The following PHYH variants were observed in gnomAD, a reference collection of about 807,000 sequenced individuals.
PHYH encodes phytanoyl-CoA dioxygenase, peroxisomal.
A neutral mutation model predicts 38.5 loss-of-function variants in PHYH; 32 were observed. That is an observed-to-expected ratio of 0.83 (90% CI 0.63 to 1.12). The LOEUF is 1.12. Among genes scored for constraint, PHYH ranks in the 50% most tolerant of loss-of-function variants. The probability of loss-of-function intolerance (pLI) is 0.00; values close to 1 mark genes in which losing one functional copy is unlikely to be tolerated. For synonymous variants in PHYH, 166 were observed against 157.9 expected (o/e 1.05, Z -0.38); for missense variants, 426 against 434.8 (o/e 0.98, Z 0.18).
intron 2 of PHYH, among the ~76,000 whole-genome samples, chr10:13,296,206 A>T (rs933619232): frequency 6.6e-6 from 1 of 151,782 alleles, no homozygotes; most frequent in Admixed American, 6.6e-5. Flanking sequence ...AACCTAGGAA[A>T]CGTTCATGCT....
At position 13,298,173 on chromosome 10, in the gene PHYH, C is replaced by T; in HGVS notation, c.134+14G>A. On this transcript the variant is annotated intron_variant, in intron 2 of 8. Transcript: ENST00000263038. ...TACATAATATATTTCAAAATCAAAA[C>T]TCAAACTACTTACTGGAATTGTTGA... 1 of 1,561,158 alleles carries T rather than the reference C, an allele frequency of 6.4e-7. No homozygotes were observed. Among genetic ancestry groups the T allele is most frequent in the Non-Finnish European group, 8.8e-7 (1 of 1,131,798 alleles).
chr10:13,296,773 G>A (rs865874343), intron 2 of PHYH, among the ~76,000 whole-genome samples: 2 of 151,140 alleles, frequency 1.3e-5, no homozygotes, highest in Non-Finnish European at 3.0e-5. Context: ...TGGCTAACAC[G>A]GTGAAACCCG....
At chr10:13,285,117 C>T (rs1250388115) in intron 6 of PHYH, among the ~76,000 whole-genome samples, 1 of 152,166 alleles carries the variant, frequency 6.6e-6, no homozygotes, top group Non-Finnish European at 1.5e-5. Flanking sequence ...ATATCAGGAT[C>T]CAGACACTCA....
intron 5 of PHYH, among the ~76,000 whole-genome samples, chr10:13,291,031 G>T (rs1317052428): frequency 6.6e-6 from 1 of 151,358 alleles, no homozygotes; most frequent in Non-Finnish European, 1.5e-5. Context: ...TTGAACCTGG[G>T]AGGTGGGGGT....
Position 13,295,608 on chromosome 10 carries a change from T to C in PHYH, c.135-2A>G, listed in dbSNP as rs201578674. The C allele has an allele frequency of 1.7e-4, 187 of 1,108,744 alleles. 2 individuals carry two copies. Among genetic ancestry groups the C allele is most frequent in the Non-Finnish European group, 2.4e-4 (176 of 718,584 alleles). The allele number at this position is 1,108,744 out of a possible 1,614,324, so 68.7% of individuals were successfully genotyped here. On this transcript the variant is annotated splice_acceptor_variant, in intron 2 of 8. Coordinates refer to ENST00000263038, the MANE Select transcript of PHYH (RefSeq NM_006214.4). LOFTEE classifies it high-confidence loss of function. ...AGAACGTTATTATCCAGAGTATACCTAAAGGAGAAAAAGAATCCCAAAATA... is the reference window on the plus strand; with the variant it reads ...AGAACGTTATTATCCAGAGTATACCCAAAGGAGAAAAAGAATCCCAAAATA...
chr10:13,283,750 A>G lies in PHYH; in HGVS notation c.768T>C (p.Val256=). Residue 256 remains valine, a synonymous_variant, in exon 7 of 9, where the codon GTT becomes GTC. Transcript: ENST00000263038. ...CGTGGATGAGCAAAGGATGGAAGAA[A>G]ACAGTGTCGCCCTTCTCCATCACCA... ...VHLVMEKGDT[V]FFHPLLIHGS... 1 of 1,614,100 alleles carries G rather than the reference A, an allele frequency of 6.2e-7. No individual in the cohort carries two copies. Among genetic ancestry groups the G allele is most frequent in the Non-Finnish European group, 8.5e-7 (1 of 1,180,002 alleles).
chr10:13,294,930 G>T, intron 3 of PHYH: 1 of 383,222 alleles, frequency 2.6e-6, no homozygotes, highest in South Asian at 2.2e-5. Context: ...ACCGTATTTA[G>T]TCCTAATAAC....
Position 13,288,543 on chromosome 10 carries a change from T to C in PHYH, c.497-2A>G, listed in dbSNP as rs144169488. ...GGGGGTGACGGGACGTCTTCTTGCC[T>C]GAAAAGAAAACCTGCTACTAAAGGA... On this transcript the variant is annotated splice_acceptor_variant, in intron 5 of 8. Transcript: ENST00000263038. LOFTEE classifies it high-confidence loss of function. The C allele has an allele frequency of 3.0e-5, 49 of 1,613,578 alleles. No individual in the cohort carries two copies. Among genetic ancestry groups the C allele is most frequent in the Non-Finnish European group, 4.0e-5 (47 of 1,179,870 alleles).
intron 6 of PHYH, among the ~76,000 whole-genome samples, chr10:13,286,618 T>C (rs545150843): frequency 1.3e-5 from 2 of 150,418 alleles, no homozygotes; most frequent in African/African-American, 2.4e-5. Flanking sequence ...GGAAAATTGC[T>C]GGAACAAGGG....
chr10:13,285,801 T>A (rs1428367849), intron 6 of PHYH, among the ~76,000 whole-genome samples: 2 of 151,058 alleles, frequency 1.3e-5, no homozygotes, highest in Non-Finnish European at 3.0e-5. Flanking sequence ...ACAGGGTTGC[T>A]CCATGTTGGT....
Position 13,299,733 on chromosome 10 carries a change from C to T in PHYH, c.75+235G>A, listed in dbSNP as rs2131664626. 4 of 1,305,812 alleles carry T rather than the reference C, an allele frequency of 3.1e-6. No homozygotes were observed. The South Asian group carries it at 8.9e-5, about 29-fold the overall frequency. The allele number at this position is 1,305,812 out of a possible 1,614,324, so 80.9% of individuals were successfully genotyped here. On this transcript the variant is annotated intron_variant, in intron 1 of 8. Coordinates refer to ENST00000263038, the MANE Select transcript of PHYH (RefSeq NM_006214.4). ...CCAGGGATCCCGGAGGGCAGGGCAA[C>T]GCGGCAATTGCCCCGACCCCAGGGC...
At chr10:13,290,117 A>T (rs1413261509) in intron 5 of PHYH, among the ~76,000 whole-genome samples, 1 of 3,908 alleles carries the variant, frequency 2.6e-4, no homozygotes, top group Non-Finnish European at 6.7e-4. Flanking sequence ...AAAAATACCA[A>T]AAAAAAAAAA....
At chr10:13,292,165 C>A (rs1295777103) in intron 4 of PHYH, among the ~76,000 whole-genome samples, 1 of 152,128 alleles carries the variant, frequency 6.6e-6, no homozygotes, top group Non-Finnish European at 1.5e-5. Context: ...CTACAAGAAA[C>A]ATAGGAGTTC....
At chr10:13,289,321 G>T (rs1007160265) in intron 5 of PHYH, among the ~76,000 whole-genome samples, 1 of 152,000 alleles carries the variant, frequency 6.6e-6, no homozygotes, top group South Asian at 2.1e-4. Context: ...TCAGCCTCCC[G>T]AGTAGCTGGG....
At chr10:13,299,425 G>A in intron 1 of PHYH, 5 of 1,000,818 alleles carry the variant, frequency 5.0e-6, no homozygotes, top group Middle Eastern at 5.2e-4. Context: ...CTCACCCGCT[G>A]TCCTTCCCCA....
intron 5 of PHYH, among the ~76,000 whole-genome samples, chr10:13,289,309 C>T (rs1835642521): frequency 6.6e-6 from 1 of 152,172 alleles, no homozygotes. Flanking sequence ...CATTCTCCTG[C>T]CTCAGCCTCC....
At chr10:13,282,742 T>G (rs1835443504) in intron 7 of PHYH, among the ~76,000 whole-genome samples, 1 of 152,186 alleles carries the variant, frequency 6.6e-6, no homozygotes, top group African/African-American at 2.4e-5. Flanking sequence ...TATTTAAACT[T>G]TTGGCATTGT....
At position 13,285,930 on chromosome 10, in the gene PHYH, C is replaced by A. The variant is rs1033741282; in HGVS notation, c.679-2091G>T. The stretch of plus-strand genomic sequence containing the variant: ...AGGATCTTTTCTTTTTCTTTTGATA[C>A]GGGAACTTGCTCTGTCACCCAGGCT... On this transcript the variant is annotated intron_variant, in intron 6 of 8. Transcript: ENST00000263038. Among the ~76,000 whole-genome samples, 5 of 150,436 alleles carry A rather than the reference C, an allele frequency of 3.3e-5. No homozygotes were observed. The East Asian group carries it at 9.8e-4, about 30-fold the overall frequency.
intron 2 of PHYH, among the ~76,000 whole-genome samples, chr10:13,296,980 TAATAAAATAA>T (rs1832574673): frequency 6.6e-6 from 1 of 150,688 alleles, no homozygotes; most frequent in Non-Finnish European, 1.5e-5. Context: ...TAATAAAATA[TAATAAAATAA>T]AAAATAGTAT....
Sources: allele counts gnomAD v4.1 joint callset (sites outside exome capture counted in the v4.1 genomes callset), GRCh38; gene constraint gnomAD v4.1.1; transcripts MANE v1.5; gene names NCBI Gene and HGNC (gene_info 2026-07-23, HGNC 2026-07-21).